C12orf42: variants seen among roughly 807,000 people sequenced by gnomAD.
The protein encoded by C12orf42 is chromosome 12 open reading frame 42, also known as uncharacterized protein C12orf42.
C12orf42 carries 25 observed loss-of-function variants against 21.6 expected under a neutral mutation model. That is an observed-to-expected ratio of 1.16 (90% CI 0.84 to 1.62). The LOEUF (loss-of-function observed/expected upper bound fraction) is 1.62. Ranked by LOEUF, C12orf42 falls within the 40% of genes most tolerant of loss-of-function variation. The probability of loss-of-function intolerance (pLI) is 0.00; values close to 1 mark genes in which losing one functional copy is unlikely to be tolerated. For synonymous variants in C12orf42, 174 were observed against 175.0 expected, an observed-to-expected ratio of 0.99 and a Z score of 0.05; for missense variants, 483 against 459.3, an observed-to-expected ratio of 1.05 and a Z score of -0.47.
the C12orf42 span, among the ~76,000 whole-genome samples, chr12:103,056,443 T>C: frequency 6.6e-6 from 1 of 151,798 alleles, no homozygotes; most frequent in Admixed American, 6.6e-5. Flanking sequence ...TTCTTAAGAT[T>C]TATCTTGTTT....
At chr12:103,374,164 T>C (rs2045499095) in intron 3 of C12orf42, among the ~76,000 whole-genome samples, 1 of 152,186 alleles carries the variant, frequency 6.6e-6, no homozygotes, top group African/African-American at 2.4e-5. Context: ...CAACCTCTAT[T>C]ACCGCCACCA....
chr12:103,116,193 C>T, the C12orf42 span, among the ~76,000 whole-genome samples: 1 of 151,670 alleles, frequency 6.6e-6, no homozygotes, highest in African/African-American at 2.4e-5. Flanking sequence ...GAAACCCCGT[C>T]GTCTCTACTA....
intron 2 of C12orf42, among the ~76,000 whole-genome samples, chr12:103,463,895 G>A (rs1952913669): frequency 6.6e-6 from 1 of 152,154 alleles, no homozygotes; most frequent in African/African-American, 2.4e-5. Flanking sequence ...CCCTGCAAAG[G>A]AAACAATCTC....
intron 4 of C12orf42, among the ~76,000 whole-genome samples, chr12:103,295,025 G>A (rs551242859): frequency 7.9e-5 from 12 of 152,186 alleles, no homozygotes; most frequent in African/African-American, 2.9e-4. Context: ...GGGATATTTG[G>A]TTTTCTGTTC....
chr12:103,413,943 T>C (rs1309816046), intron 2 of C12orf42, among the ~76,000 whole-genome samples: 5 of 152,170 alleles, frequency 3.3e-5, no homozygotes, highest in Non-Finnish European at 1.5e-5. Context: ...ATTTTTGCAA[T>C]TGTGAATTGT....
chr12:103,255,777 C>T (rs868377277), intron 10 of C12orf42, among the ~76,000 whole-genome samples: 5 of 151,402 alleles, frequency 3.3e-5, no homozygotes, highest in South Asian at 2.1e-4. Flanking sequence ...TATGGCCGGG[C>T]GCGATGGCTC....
At chr12:103,048,182 A>G in the C12orf42 span, among the ~76,000 whole-genome samples, 1 of 151,854 alleles carries the variant, frequency 6.6e-6, no homozygotes, top group Non-Finnish European at 1.5e-5. Context: ...GGGGGCCAAC[A>G]GCAAGATAGG....
At chr12:103,369,588 G>T (rs2045004560) in intron 3 of C12orf42, among the ~76,000 whole-genome samples, 1 of 150,948 alleles carries the variant, frequency 6.6e-6, no homozygotes, top group African/African-American at 2.4e-5. Flanking sequence ...AGGGAAGGGG[G>T]TCAGAAGGTG....
chr12:103,504,844 G>A, the C12orf42 span: 1 of 156,268 alleles, frequency 6.4e-6, no homozygotes, highest in Non-Finnish European at 1.4e-5. Context: ...GAACTCAGAG[G>A]CCATGAAAAC....
intron 4 of C12orf42, among the ~76,000 whole-genome samples, chr12:103,356,074 C>T (rs1290618547): frequency 1.3e-5 from 2 of 152,086 alleles, no homozygotes; most frequent in Admixed American, 1.3e-4. Flanking sequence ...GGAATTCAAA[C>T]TTAAAAGTCT....
At chr12:103,254,575 T>C (rs184486354) in intron 10 of C12orf42, among the ~76,000 whole-genome samples, 118 of 152,318 alleles carry the variant, frequency 7.7e-4, no homozygotes, top group African/African-American at 2.5e-3. Flanking sequence ...TACAACCATC[T>C]ATGTAGCCAT....
At chr12:103,165,753 GA>G in the C12orf42 span, among the ~76,000 whole-genome samples, 359 of 152,200 alleles carry the variant, frequency 2.4e-3, 3 homozygotes, top group African/African-American at 8.1e-3. Flanking sequence ...CATAAAGAAT[GA>G]AACCAGGCCG....
chr12:103,147,493 CT>C, the C12orf42 span, among the ~76,000 whole-genome samples: 31 of 84,960 alleles, frequency 3.6e-4, no homozygotes, highest in African/African-American at 1.1e-3. Context: ...TTCTTTTTTT[CT>C]TTTTTTTTCT....
At chr12:103,382,534 C>A (rs941280097) in intron 3 of C12orf42, among the ~76,000 whole-genome samples, 3 of 152,194 alleles carry the variant, frequency 2.0e-5, no homozygotes, top group Non-Finnish European at 4.4e-5. Context: ...ATGAGATCTA[C>A]TAAAGAAGAA....
chr12:103,232,635 C>T (rs1431173468), downstream of C12orf42, among the ~76,000 whole-genome samples: 2 of 145,300 alleles, frequency 1.4e-5, no homozygotes, highest in South Asian at 2.2e-4. Context: ...GGCATGAAGC[C>T]GGGAGGCAGA....
chr12:103,072,547 G>C, the C12orf42 span, among the ~76,000 whole-genome samples: 1 of 151,914 alleles, frequency 6.6e-6, no homozygotes, highest in Non-Finnish European at 1.5e-5. Flanking sequence ...TTCTACAATA[G>C]CAGTACACTT....
At chr12:103,164,722 T>C in the C12orf42 span, 3 of 455,526 alleles carry the variant, frequency 6.6e-6, no homozygotes, top group African/African-American at 4.0e-5. Context: ...GAAACCATGA[T>C]GAATACTCCT....
At chr12:103,401,147 CA>C (rs1470099588) in intron 3 of C12orf42, among the ~76,000 whole-genome samples, 4 of 152,036 alleles carry the variant, frequency 2.6e-5, no homozygotes, top group Non-Finnish European at 4.4e-5. Context: ...TGGCTCTCAC[CA>C]AGAAAAAGAG....
At chr12:103,115,089 G>T in the C12orf42 span, among the ~76,000 whole-genome samples, 1 of 152,176 alleles carries the variant, frequency 6.6e-6, no homozygotes, top group East Asian at 1.9e-4. Flanking sequence ...GTTCTGGCTG[G>T]TCACACATCA....
Sources: gnomAD v4.1 joint callset for allele counts (sites outside exome capture counted in the v4.1 genomes callset) on GRCh38, gnomAD v4.1.1 for gene constraint, MANE v1.5 for transcripts, NCBI Gene and HGNC (gene_info 2026-07-23, HGNC 2026-07-21) for gene names.